The following VPS13B variants were observed in gnomAD, a reference collection of about 807,000 sequenced individuals.
VPS13B encodes vacuolar protein sorting 13 homolog B, also known as intermembrane lipid transfer protein VPS13B.
A neutral mutation model predicts 426.4 loss-of-function variants in VPS13B; 285 were observed. That is an observed-to-expected ratio of 0.67 (90% CI 0.61 to 0.74). The LOEUF is 0.74. Ranked by LOEUF, VPS13B falls within the 30% of genes least tolerant of loss-of-function variation. The pLI is 0.00. For synonymous variants in VPS13B, 1,676 were observed against 1,676.4 expected (o/e 1.00, Z 0.01); for missense variants, 4,537 against 4,782.6 (o/e 0.95, Z 1.51).
chr8:99,501,780 G>A lies in VPS13B; in HGVS notation c.3964G>A (p.Val1322Ile), dbSNP rs1162239717. The A allele has an allele frequency of 6.2e-7, 1 of 1,613,966 alleles. No homozygotes were observed. The highest frequency in any genetic ancestry group is 1.3e-5 in the African/African-American group (1 of 74,890). The change falls in exon 26 of 62, where the codon GTT becomes ATT. Residue 1322 changes from valine (V) to isoleucine (I), a missense_variant. By Grantham distance (29) the Val-to-Ile change is conservative. Transcript: ENST00000357162. The part of the protein sequence containing the change: ...TSNIGGTSGR[V>I]SLWMQWVLPK... ...TAATATTGGAGGAACCAGTGGACGT[G>A]TTAGTTTATGGATGCAGTGGGTGCT...
intron 31 of VPS13B, among the ~76,000 whole-genome samples, chr8:99,569,295 T>C (rs576466785): frequency 5.3e-4 from 81 of 151,948 alleles, no homozygotes; most frequent in African/African-American, 1.9e-3. Flanking sequence ...GGGTGTGCAG[T>C]CCACACACTT....
chr8:99,274,107 A>G (rs1213674724), intron 17 of VPS13B, 91 bp from the exon 18 acceptor site: 15 of 1,518,250 alleles, frequency 9.9e-6, no homozygotes, highest in Non-Finnish European at 6.4e-6. Flanking sequence ...GTAGACAGTT[A>G]GAGTATAATT....
At chr8:99,392,411 C>T (rs1453592677) in intron 21 of VPS13B, among the ~76,000 whole-genome samples, 1 of 151,856 alleles carries the variant, frequency 6.6e-6, no homozygotes, top group Non-Finnish European at 1.5e-5. Flanking sequence ...TTCTTAACCT[C>T]TAATTTTTAT....
chr8:99,102,888 CT>C, intron 4 of VPS13B, 64 bp from the exon 5 acceptor site: 1 of 1,423,740 alleles, frequency 7.0e-7, no homozygotes, highest in Non-Finnish European at 9.9e-7. Context: ...TTCAATAACA[CT>C]TTAAGAAATA....
At chr8:99,620,758 G>A (rs1406954475) in intron 33 of VPS13B, among the ~76,000 whole-genome samples, 2 of 151,490 alleles carry the variant, frequency 1.3e-5, no homozygotes, top group East Asian at 3.9e-4. Context: ...GATCACCTGA[G>A]GTCAGGAGTT....
At chr8:99,871,835 G>A (rs1563520472) in intron 61 of VPS13B, 138 bp downstream of exon 61, 2 of 1,513,940 alleles carry the variant, frequency 1.3e-6, no homozygotes, top group Non-Finnish European at 1.8e-6. Context: ...GCTACCCAGA[G>A]GAGGAAGTGT....
At chr8:99,229,452 G>A (rs1816200379) in intron 17 of VPS13B, among the ~76,000 whole-genome samples, 1 of 152,122 alleles carries the variant, frequency 6.6e-6, no homozygotes, top group African/African-American at 2.4e-5. Context: ...GTGGACTTTG[G>A]GATGATACTA....
intron 10 of VPS13B, 132 bp downstream of exon 10, chr8:99,135,269 C>G (rs2132555629): frequency 7.4e-7 from 1 of 1,352,326 alleles, no homozygotes; most frequent in East Asian, 2.5e-5. Flanking sequence ...TACTATTTCT[C>G]CCTGTGTTTC....
At chr8:99,033,273 G>C (rs1842602452) in intron 2 of VPS13B, among the ~76,000 whole-genome samples, 1 of 152,102 alleles carries the variant, frequency 6.6e-6, no homozygotes. Context: ...CATTATTGAA[G>C]GATAATTTTG....
chr8:99,187,896 A>G (rs1054871060), intron 16 of VPS13B, among the ~76,000 whole-genome samples: 2 of 152,094 alleles, frequency 1.3e-5, no homozygotes, highest in African/African-American at 4.8e-5. Context: ...TAAGCCTGGG[A>G]GATGGAGGCT....
At chr8:99,384,091 C>A in intron 19 of VPS13B, 117 bp from the exon 20 acceptor site, 1 of 881,800 alleles carries the variant, frequency 1.1e-6, no homozygotes, top group Non-Finnish European at 1.9e-6. Flanking sequence ...ACATCCTTTC[C>A]AACGCTTGTT....
chr8:99,599,555 G>T (rs776628617), intron 33 of VPS13B, among the ~76,000 whole-genome samples: 2 of 151,994 alleles, frequency 1.3e-5, no homozygotes, highest in Non-Finnish European at 2.9e-5. Flanking sequence ...TTTCCTATCT[G>T]AGTTTGTACT....
chr8:99,330,275 C>T (rs546904056), intron 19 of VPS13B, among the ~76,000 whole-genome samples: 1 of 151,834 alleles, frequency 6.6e-6, no homozygotes, highest in East Asian at 1.9e-4. Flanking sequence ...ATAGTATTAT[C>T]CTCATTGCTA....
intron 17 of VPS13B, chr8:99,233,202 T>G (rs1816444241): frequency 1.4e-6 from 2 of 1,394,334 alleles, no homozygotes; most frequent in South Asian, 2.3e-5. Flanking sequence ...CATCGGGCGT[T>G]TGGTCACGAG....
chr8:99,158,534 C>T (rs1811483123), intron 15 of VPS13B, among the ~76,000 whole-genome samples: 1 of 151,982 alleles, frequency 6.6e-6, no homozygotes, highest in African/African-American at 2.4e-5. Context: ...CGCTGACTCT[C>T]TTGTTAGGGG....
intron 17 of VPS13B, among the ~76,000 whole-genome samples, chr8:99,254,500 G>A (rs189895065): frequency 1.5e-4 from 23 of 151,288 alleles, no homozygotes; most frequent in East Asian, 1.4e-3. Flanking sequence ...TCCATGATGC[G>A]TTATGATTTC....
chr8:99,706,189 T>C (rs1421211544), intron 36 of VPS13B, among the ~76,000 whole-genome samples: 2 of 152,106 alleles, frequency 1.3e-5, no homozygotes, highest in Non-Finnish European at 2.9e-5. Flanking sequence ...ACCAATAAAG[T>C]TAAATCAAGC....
In VPS13B at chr8:99,192,779, G is replaced by A. The variant is rs1415392705; in HGVS notation, c.2334-97G>A. The stretch of plus-strand genomic sequence containing the variant: ...GTATGTTTGCATACATACTTTGGAT[G>A]TATACCCTTTCTTCCCTTGCAACCT... On this transcript the variant is annotated intron_variant, in intron 16 of 61. Coordinates refer to ENST00000357162, the MANE Select transcript of VPS13B (RefSeq NM_152564.5). 3.8e-6 allele frequency: 5 copies of A among 1,304,938 alleles called. No homozygotes were observed. The African/African-American group carries it at 5.8e-5, about 15-fold the overall frequency. The allele number at this position is 1,304,938 out of a possible 1,614,324, so 80.8% of individuals were successfully genotyped here.
At chr8:99,462,596 C>G (rs1481074768) in intron 23 of VPS13B, among the ~76,000 whole-genome samples, 2 of 152,140 alleles carry the variant, frequency 1.3e-5, no homozygotes, top group Non-Finnish European at 2.9e-5. Context: ...TACCTGACTT[C>G]TTTGTTCCTT....
Sources: allele counts gnomAD v4.1 joint callset (sites outside exome capture counted in the v4.1 genomes callset), GRCh38; gene constraint gnomAD v4.1.1; transcripts MANE v1.5; gene names NCBI Gene and HGNC (gene_info 2026-07-23, HGNC 2026-07-21).